The following HUWE1 variants were observed in gnomAD, a reference collection of about 807,000 sequenced individuals.
The protein encoded by HUWE1 is E3 ubiquitin-protein ligase HUWE1.
Under a neutral mutation model 299.4 loss-of-function variants are expected in HUWE1, and 18 were observed. The ratio of observed to expected loss-of-function variants is 0.06; its 90% CI spans 0.04 to 0.09. HUWE1 has a LOEUF of 0.09. HUWE1 is among the 10% of genes least tolerant of loss of function. HUWE1 has a pLI of 1.00. For synonymous variants in HUWE1, 1,317 were observed against 1,286.1 expected (o/e 1.02, Z -0.51); for missense variants, 1,832 against 3,462.3 (o/e 0.53, Z 11.82).
chrX:53,659,822 C>T (rs1557044533), intron 3 of HUWE1, among the ~76,000 whole-genome samples: 1 of 111,596 alleles, frequency 9.0e-6, no homozygotes. Context: ...GTACCTTCTG[C>T]TCGATTTTGC....
chrX:53,658,490 G>C (rs1172661189), intron 3 of HUWE1, among the ~76,000 whole-genome samples: 1 of 111,666 alleles, frequency 9.0e-6, no homozygotes, highest in Admixed American at 9.5e-5. Flanking sequence ...GTAAGTAAGA[G>C]TACTGTACCG....
intron 17 of HUWE1, chrX:53,625,859 G>A (rs781914902): frequency 2.4e-4 from 46 of 192,405 alleles, no homozygotes; most frequent in South Asian, 5.9e-4. Flanking sequence ...GGCCAGGGCC[G>A]GGGCCGGGGC....
intron 52 of HUWE1, among the ~76,000 whole-genome samples, chrX:53,563,517 A>G (rs1556943070): frequency 1.8e-5 from 2 of 111,044 alleles, no homozygotes; most frequent in East Asian, 2.8e-4. Context: ...ATCTGTATCA[A>G]TGGCCACTCC....
At chrX:53,542,659 G>T in intron 73 of HUWE1, 120 bp from the exon 74 acceptor site, 1 of 537,104 alleles carries the variant, frequency 1.9e-6, no homozygotes. Flanking sequence ...TCCCATATTT[G>T]GGTGGGGAAA....
At chrX:53,620,228 C>T (rs1207448918) in intron 19 of HUWE1, among the ~76,000 whole-genome samples, 1 of 108,362 alleles carries the variant, frequency 9.2e-6, no homozygotes, top group Non-Finnish European at 1.9e-5. Flanking sequence ...CCTTTTCAAA[C>T]AAGGCATCAC....
rs782486561 is a variant in HUWE1, at chrX:53,651,471, G to C, written c.45+2592C>G. Among the ~76,000 whole-genome samples, 14 of 111,537 alleles carry C rather than the reference G, an allele frequency of 1.3e-4. No homozygotes were observed. In the South Asian group the frequency reaches 5.3e-3, roughly 42 times the overall value. On this transcript the variant is annotated intron_variant, in intron 4 of 83. Coordinates refer to ENST00000262854, the MANE Select transcript of HUWE1 (RefSeq NM_031407.7). Reference sequence around the variant, plus strand: ...CTCATCCTTTGTATAAAATGGCAATGGTATTTGTATATAACCTATACACAT... The same window carrying C: ...CTCATCCTTTGTATAAAATGGCAATCGTATTTGTATATAACCTATACACAT...
chrX:53,613,146 A>G (rs2148797215), intron 23 of HUWE1, among the ~76,000 whole-genome samples: 1 of 111,791 alleles, frequency 8.9e-6, no homozygotes, highest in African/African-American at 3.2e-5. Context: ...CCTCTTCTAG[A>G]AAAAGAACAT....
intron 43 of HUWE1, among the ~76,000 whole-genome samples, chrX:53,578,689 C>T (rs2063369778): frequency 1.2e-5 from 1 of 83,015 alleles, no homozygotes; most frequent in Non-Finnish European, 2.4e-5. Context: ...GGGGGATCAG[C>T]CCCCCGCCTG....
intron 29 of HUWE1, among the ~76,000 whole-genome samples, chrX:53,596,357 G>C (rs1452969294): frequency 9.0e-6 from 1 of 111,227 alleles, no homozygotes; most frequent in African/African-American, 3.3e-5. Context: ...CAAAAAGTTA[G>C]GTATGTCATA....
chrX:53,618,411 C>T (rs1413359768), intron 19 of HUWE1, among the ~76,000 whole-genome samples: 1 of 109,907 alleles, frequency 9.1e-6, no homozygotes, highest in East Asian at 2.8e-4. Flanking sequence ...CAGTAATATA[C>T]GTTATGAATG....
chrX:53,675,645 GAT>G (rs1196979426), intron 3 of HUWE1, among the ~76,000 whole-genome samples: 2 of 111,186 alleles, frequency 1.8e-5, no homozygotes, highest in African/African-American at 6.5e-5. Context: ...GAAAAAAAAA[GAT>G]ATATTAAGCT....
chrX:53,555,021 G>A (rs1459153999), intron 60 of HUWE1, 101 bp from the exon 61 acceptor site: 6 of 598,959 alleles, frequency 1.0e-5, no homozygotes, highest in Non-Finnish European at 1.5e-5. Context: ...ATCCCACCCA[G>A]CCAGTGATCA....
At chrX:53,564,448 C>A (rs1304812644) in intron 51 of HUWE1, 126 bp downstream of exon 51, 28 of 759,031 alleles carry the variant, frequency 3.7e-5, no homozygotes, top group Non-Finnish European at 5.1e-5. Flanking sequence ...AAGCATATCA[C>A]CCATGCTCCT....
intron 7 of HUWE1, among the ~76,000 whole-genome samples, chrX:53,638,485 A>C (rs1603229414): frequency 8.9e-6 from 1 of 112,804 alleles, no homozygotes; most frequent in East Asian, 2.8e-4. Context: ...AGGCATATAC[A>C]ACACTACCTC....
intron 49 of HUWE1, among the ~76,000 whole-genome samples, chrX:53,566,217 T>G (rs1170650422): frequency 1.0e-5 from 1 of 97,407 alleles, no homozygotes; most frequent in Non-Finnish European, 2.0e-5. Flanking sequence ...ACACTAAAAG[T>G]AACCAAGACT....
chrX:53,619,590 G>GAAAAAAAAAAA (rs35685121), intron 19 of HUWE1, among the ~76,000 whole-genome samples: 17 of 41,109 alleles, frequency 4.1e-4, no homozygotes, highest in Non-Finnish European at 5.1e-4. Context: ...AGAAATAGAA[G>GAAAAAAAAAAA]AAAAAAAAAA....
At chrX:53,676,983 T>C (rs2069852841) in intron 3 of HUWE1, among the ~76,000 whole-genome samples, 1 of 110,592 alleles carries the variant, frequency 9.0e-6, no homozygotes, top group African/African-American at 3.3e-5. Flanking sequence ...AACAAAATGA[T>C]AGCATCAGAA....
At chrX:53,536,055 GAGA>G (rs1273530665) in intron 80 of HUWE1, 89 bp downstream of exon 80, 14 of 533,981 alleles carry the variant, frequency 2.6e-5, no homozygotes, top group South Asian at 4.8e-5. Context: ...TTAGAACTAT[GAGA>G]AGGTCACGCA....
intron 68 of HUWE1, among the ~76,000 whole-genome samples, 199 bp from the exon 69 acceptor site, chrX:53,547,024 C>T (rs1411412702): frequency 4.5e-5 from 5 of 112,014 alleles, no homozygotes; most frequent in Non-Finnish European, 5.6e-5. Flanking sequence ...GACACGGTCT[C>T]GCTCTGTTGC....
Sources: gnomAD v4.1 joint callset for allele counts (sites outside exome capture counted in the v4.1 genomes callset) on GRCh38, gnomAD v4.1.1 for gene constraint, MANE v1.5 for transcripts, NCBI Gene and HGNC (gene_info 2026-07-23, HGNC 2026-07-21) for gene names.